The following KIF13A variants were observed in gnomAD, a reference collection of about 807,000 sequenced individuals.
KIF13A encodes kinesin family member 13A, also known as kinesin-like protein KIF13A.
A neutral mutation model predicts 212.2 loss-of-function variants in KIF13A; 79 were observed. The observed-to-expected ratio is 0.37, with a 90% confidence interval of 0.31 to 0.45. The LOEUF is 0.45. Among genes scored for constraint, KIF13A ranks in the 20% least tolerant of loss-of-function variants. KIF13A has a pLI of 1.00. For synonymous variants in KIF13A, 789 were observed against 808.6 expected, an observed-to-expected ratio of 0.98 and a Z score of 0.41; for missense variants, 1,901 against 2,209.0, an observed-to-expected ratio of 0.86 and a Z score of 2.79.
Position 17,817,061 on chromosome 6 carries a change from G to C in KIF13A, c.1959C>G (p.Ser653Arg), listed in dbSNP as rs761849509. The change falls in exon 17 of 39, where the codon AGC becomes AGG. Residue 653 changes from serine (S) to arginine (R), a missense_variant. Ser to Arg is a moderately radical substitution (Grantham distance 110). This residue lies in a region of KIF13A where 534 missense variants were observed against 536.9 expected (regional missense o/e 0.99). Coordinates refer to ENST00000259711, the MANE Select transcript of KIF13A (RefSeq NM_022113.6). ...GGGTCACCTTCTGCTGCGCTGTCTG[G>C]CTGCTGTAGGCCAGGCGGTCAGGGC... ...SSGPDRLAYS[S>R]QTAQQKVTQW... 1.7e-5 allele frequency: 27 copies of C among 1,613,236 alleles called. 1 individual carries two copies. The South Asian group carries it at 2.9e-4, about 17-fold the overall frequency.
At chr6:17,950,869 T>C in intron 2 of KIF13A, 1 of 983,276 alleles carries the variant, frequency 1.0e-6, no homozygotes, top group South Asian at 4.7e-5. Context: ...TGAACATAAA[T>C]GATTAAATGT....
intron 3 of KIF13A, among the ~76,000 whole-genome samples, chr6:17,876,655 T>TCATC (rs1770587218): frequency 6.7e-6 from 1 of 150,082 alleles, no homozygotes; most frequent in Non-Finnish European, 1.5e-5. Context: ...ATTCATTCAT[T>TCATC]CAGAGACAGG....
chr6:17,915,778 A>G lies in KIF13A; in HGVS notation c.147-17598T>C, dbSNP rs1774441786. On this transcript the variant is annotated intron_variant, in intron 2 of 38. Coordinates refer to ENST00000259711, the MANE Select transcript of KIF13A (RefSeq NM_022113.6). The surrounding 1 kb of genome is among the most constrained non-coding windows in gnomAD (Gnocchi z 4.4). Reference sequence around the variant, plus strand: ...GGAGCTTGAGACCAGCCTGGGCAACATGACAAAACACCGTCTCTACTAAAA... The same window carrying G: ...GGAGCTTGAGACCAGCCTGGGCAACGTGACAAAACACCGTCTCTACTAAAA... Among the ~76,000 whole-genome samples, 1 of 152,032 alleles carries G rather than the reference A, an allele frequency of 6.6e-6. No individual in the cohort carries two copies. Among genetic ancestry groups the G allele is most frequent in the South Asian group, 2.1e-4 (1 of 4,828 alleles).
chr6:17,970,455 T>C (rs1247654596), intron 2 of KIF13A, among the ~76,000 whole-genome samples: 1 of 151,532 alleles, frequency 6.6e-6, no homozygotes, highest in Non-Finnish European at 1.5e-5. Context: ...ATACAAAAAT[T>C]ATATATATAT....
intron 9 of KIF13A, among the ~76,000 whole-genome samples, chr6:17,847,538 T>C (rs1044663522): frequency 2.6e-5 from 4 of 152,232 alleles, no homozygotes; most frequent in African/African-American, 9.6e-5. Flanking sequence ...TCATCTTAAA[T>C]GCAAGCTGTG....
At chr6:17,797,043 T>C (rs1011339523) in intron 22 of KIF13A, among the ~76,000 whole-genome samples, 2 of 151,830 alleles carry the variant, frequency 1.3e-5, no homozygotes, top group African/African-American at 4.8e-5. Flanking sequence ...CTTTTTTTTT[T>C]TCTTGAGACA....
Position 17,982,326 on chromosome 6 carries a change from G to A in KIF13A, c.146+4728C>T. The A allele has an allele frequency of 2.2e-6, 1 of 464,636 alleles. No individual in the cohort carries two copies. The highest frequency in any genetic ancestry group is 2.8e-6 in the Non-Finnish European group (1 of 354,992). The allele number at this position is 464,636 out of a possible 1,614,324, so 28.8% of individuals were successfully genotyped here. On this transcript the variant is annotated intron_variant, in intron 2 of 38. Transcript: ENST00000259711. This position sits in a 1 kb window ranked among gnomAD's most constrained non-coding sequence, Gnocchi z 5.1. ...TTGGCCAGGCTGGTCTCGAACTCCT[G>A]ACCTCAGGTGATCTGCCTGCCTTGG...
rs1759808587 is a variant in KIF13A at position 17,774,913 on chromosome 6, G to A, written c.4218+102C>T. ...CTTTTTCTTTTTTTTTAAACTGACA[G>A]GATCAACCAGGTGAGGCCCAGAGAT... On this transcript the variant is annotated intron_variant, in intron 35 of 38. Transcript: ENST00000259711. 4 of 766,370 alleles carry A rather than the reference G, an allele frequency of 5.2e-6. No homozygotes were observed. In the South Asian group the frequency reaches 5.7e-5, roughly 11 times the overall value. 47.5% of individuals were successfully genotyped at this position (766,370 alleles called of 1,614,324 possible). A position where few individuals can be genotyped will look rare whatever the true frequency, so the allele number is the denominator to read the frequency against.
At chr6:17,851,769 A>AAGCTTCACAAC (rs1191830084) in intron 7 of KIF13A, among the ~76,000 whole-genome samples, 186 bp downstream of exon 7, 1 of 152,242 alleles carries the variant, frequency 6.6e-6, no homozygotes, top group African/African-American at 2.4e-5. Context: ...CCTTCACAAC[A>AAGCTTCACAAC]AAGCAGCTTG....
At chr6:17,966,094 T>C (rs1415826979) in intron 2 of KIF13A, among the ~76,000 whole-genome samples, 1 of 152,162 alleles carries the variant, frequency 6.6e-6, no homozygotes, top group Non-Finnish European at 1.5e-5. Flanking sequence ...GTGAGGAGGT[T>C]GAGGCATGAG....
At chr6:17,885,470 A>G (rs1771461538) in intron 3 of KIF13A, among the ~76,000 whole-genome samples, 1 of 152,258 alleles carries the variant, frequency 6.6e-6, no homozygotes, top group Non-Finnish European at 1.5e-5. Flanking sequence ...CTGATTGTGA[A>G]GATGTGAAAG....
rs139213241 is a variant in KIF13A, at chr6:17,781,033, T to C, written c.3670-127A>G. 489 of 1,356,304 alleles carry C rather than the reference T, an allele frequency of 3.6e-4. 2 individuals carry two copies. In the African/African-American group the frequency reaches 6.1e-3, roughly 17 times the overall value. The allele number at this position is 1,356,304 out of a possible 1,614,324, so 84.0% of individuals were successfully genotyped here. On this transcript the variant is annotated intron_variant, in intron 30 of 38. Coordinates refer to ENST00000259711, the MANE Select transcript of KIF13A (RefSeq NM_022113.6). Reference sequence around the variant, plus strand: ...AATCAAATAGATTTCTTTCCTCACCTTTTTTAAACAGCAACACAAATGTTC... The same window carrying C: ...AATCAAATAGATTTCTTTCCTCACCCTTTTTAAACAGCAACACAAATGTTC...
Position 17,987,058 on chromosome 6 carries a change from C to T in KIF13A, c.142G>A (p.Glu48Lys), listed in dbSNP as rs538767258. 1.4e-5 allele frequency: 23 copies of T among 1,612,626 alleles called. No individual in the cohort carries two copies. In the East Asian group the frequency reaches 4.7e-4, roughly 33 times the overall value. Residue 48 changes from glutamate to lysine, a missense_variant, in exon 2 of 39, where the codon GAA becomes AAA. This residue lies in a region of KIF13A where 506 missense variants were observed against 637.4 expected (regional missense o/e 0.79). Coordinates refer to ENST00000259711, the MANE Select transcript of KIF13A (RefSeq NM_022113.6). The surrounding 1 kb of genome is among the most constrained non-coding windows in gnomAD (Gnocchi z 7.7). ...CCCTCTCGGAACCCGCTTTACCTTT[C>T]TCCCTGTTTGGTGTTAGAAGGAGGA... Reference protein sequence around the residue: ...HPPPSNTKQGERKPPKVFAFD... With the variant: ...HPPPSNTKQGKRKPPKVFAFD...
intron 20 of KIF13A, among the ~76,000 whole-genome samples, chr6:17,802,360 C>T (rs1349048716): frequency 1.3e-5 from 2 of 150,624 alleles, no homozygotes; most frequent in Non-Finnish European, 2.9e-5. Context: ...GGCGCGATCT[C>T]GGCTCACAGC....
downstream of KIF13A, chr6:17,760,086 T>C (rs2083086308): frequency 6.6e-6 from 1 of 152,148 alleles, no homozygotes; most frequent in Non-Finnish European, 1.5e-5. Flanking sequence ...AGTGTGCTTA[T>C]GAAACAAAGG....
chr6:17,760,641 A>T, downstream of KIF13A: 1 of 590,622 alleles, frequency 1.7e-6, no homozygotes, highest in Non-Finnish European at 3.0e-6. Context: ...TGGAAAAAGC[A>T]GAGGCTGTTG....
intron 2 of KIF13A, among the ~76,000 whole-genome samples, chr6:17,923,462 A>G (rs1775252163): frequency 1.3e-5 from 2 of 151,928 alleles, no homozygotes; most frequent in African/African-American, 4.8e-5. Context: ...CTTCACAATT[A>G]AAACAGGAAA....
Position 17,838,493 on chromosome 6 carries a change from A to G in KIF13A, c.831-910T>C, listed in dbSNP as rs1357810643. Among the ~76,000 whole-genome samples the G allele has an allele frequency of 6.6e-6, 1 of 152,092 alleles. No individual in the cohort carries two copies. Among genetic ancestry groups the G allele is most frequent in the African/African-American group, 2.4e-5 (1 of 41,442 alleles). Reference sequence around the variant, plus strand: ...TAATTCCCCAAAGACGAGTCACTGAAAAGTCCCCGAAATATAATATAAACT... The same window carrying G: ...TAATTCCCCAAAGACGAGTCACTGAGAAGTCCCCGAAATATAATATAAACT... On this transcript the variant is annotated intron_variant, in intron 9 of 38. Coordinates refer to ENST00000259711, the MANE Select transcript of KIF13A (RefSeq NM_022113.6). The surrounding 1 kb of genome is among the most constrained non-coding windows in gnomAD (Gnocchi z 4.2).
intron 2 of KIF13A, among the ~76,000 whole-genome samples, chr6:17,972,413 A>C (rs1272533671): frequency 6.6e-6 from 1 of 152,258 alleles, no homozygotes; most frequent in African/African-American, 2.4e-5. Context: ...GTCCAATTAC[A>C]ACTGCAAGCT....
Sources: gnomAD v4.1 joint callset for allele counts (sites outside exome capture counted in the v4.1 genomes callset) on GRCh38, gnomAD v4.1.1 for gene constraint, gnomAD v4.1.1 regional missense constraint, Gnocchi (gnomAD v3.1) non-coding constraint, MANE v1.5 for transcripts, NCBI Gene and HGNC (gene_info 2026-07-23, HGNC 2026-07-21) for gene names.